AR: variants seen among roughly 807,000 people sequenced by gnomAD.
The protein encoded by AR is androgen receptor.
A neutral mutation model predicts 53.9 loss-of-function variants in AR; 8 were observed. The observed-to-expected ratio is 0.15, with a 90% CI of 0.09 to 0.27. The LOEUF (loss-of-function observed/expected upper bound fraction) is 0.27. AR is among the 10% of genes least tolerant of loss of function. AR has a pLI of 1.00. For synonymous variants in AR, 359 were observed against 316.4 expected (o/e 1.13, Z -1.43); for missense variants, 639 against 742.5 (o/e 0.86, Z 1.62).
intron 2 of AR, among the ~76,000 whole-genome samples, chrX:67,673,395 C>G (rs912519908): frequency 1.0e-5 from 1 of 99,894 alleles, no homozygotes; most frequent in Non-Finnish European, 2.1e-5. Context: ...CTCTCTCCTT[C>G]TTAAGGCCAA....
intron 1 of AR, among the ~76,000 whole-genome samples, chrX:67,564,742 T>C (rs1244465533): frequency 1.8e-5 from 2 of 111,828 alleles, no homozygotes; most frequent in Non-Finnish European, 3.8e-5. Flanking sequence ...ACATGCATTG[T>C]TACCATGGCA....
At chrX:67,651,791 A>G (rs1272067733) in intron 2 of AR, among the ~76,000 whole-genome samples, 1 of 112,032 alleles carries the variant, frequency 8.9e-6, no homozygotes, top group East Asian at 2.8e-4. Flanking sequence ...AACTCTCTTC[A>G]TTAGATGTGC....
chrX:67,663,180 G>T (rs1927040422), intron 2 of AR, among the ~76,000 whole-genome samples: 1 of 111,537 alleles, frequency 9.0e-6, no homozygotes, highest in Non-Finnish European at 1.9e-5. Flanking sequence ...ATGTTAGCTG[G>T]TTATTTTGCT....
intron 2 of AR, among the ~76,000 whole-genome samples, chrX:67,656,248 A>G (rs1926583927): frequency 8.9e-6 from 1 of 111,883 alleles, no homozygotes; most frequent in South Asian, 3.8e-4. Flanking sequence ...GTATGCATCC[A>G]GAGACAAATG....
chrX:67,632,668 A>T (rs1319019237), intron 1 of AR, among the ~76,000 whole-genome samples: 1 of 112,343 alleles, frequency 8.9e-6, no homozygotes, highest in Admixed American at 9.4e-5. Context: ...CTCCAGAAAA[A>T]AAAATTGTTA....
chrX:67,723,621 G>A (rs2076146461), intron 7 of AR, 65 bp from the exon 8 acceptor site: 1 of 1,161,266 alleles, frequency 8.6e-7, no homozygotes, highest in Non-Finnish European at 1.2e-6. Flanking sequence ...AGAGGTTGGG[G>A]AAGAGGCTAG....
At chrX:67,668,562 A>T (rs1273722994) in intron 2 of AR, among the ~76,000 whole-genome samples, 2 of 110,753 alleles carry the variant, frequency 1.8e-5, no homozygotes, top group African/African-American at 6.6e-5. Flanking sequence ...TTATCAGGGT[A>T]ATACTGGCCT....
chrX:67,710,154 C>G (rs1215794074), intron 3 of AR, among the ~76,000 whole-genome samples: 1 of 110,610 alleles, frequency 9.0e-6, no homozygotes, highest in African/African-American at 3.3e-5. Context: ...ATCCAATTCA[C>G]TGTTCTTTCT....
At chrX:67,649,836 C>T (rs1926249201) in intron 2 of AR, among the ~76,000 whole-genome samples, 1 of 112,152 alleles carries the variant, frequency 8.9e-6, no homozygotes. Context: ...TGGTTGTTCA[C>T]TCTGATGATA....
chrX:67,545,451 G>A lies in AR; in HGVS notation c.305G>A (p.Arg102Lys), dbSNP rs2147315566. Residue 102 changes from arginine to lysine, a missense_variant, in exon 1 of 8, where the codon AGA becomes AAA. By Grantham distance (26) the Arg-to-Lys change is conservative (BLOSUM62 2). Transcript: ENST00000374690. ...GATGGTTCTCCCCAAGCCCATCGTA[G>A]AGGCCCCACAGGCTACCTGGTCCTG... ...GEDGSPQAHR[R>K]GPTGYLVLDE... 8.3e-7 allele frequency: 1 copy of A among 1,201,319 alleles called. No homozygotes were observed. Among genetic ancestry groups the A allele is most frequent in the Admixed American group, 2.2e-5 (1 of 44,885 alleles).
chrX:67,715,431 T>C (rs941024214), intron 4 of AR, among the ~76,000 whole-genome samples: 6 of 110,996 alleles, frequency 5.4e-5, no homozygotes, highest in Non-Finnish European at 7.5e-5. Flanking sequence ...GAATCCCTGA[T>C]ACCTGGAAGG....
At chrX:67,560,555 G>C (rs1921255929) in intron 1 of AR, among the ~76,000 whole-genome samples, 1 of 111,613 alleles carries the variant, frequency 9.0e-6, no homozygotes, top group Non-Finnish European at 1.9e-5. Flanking sequence ...TGTAATGCAT[G>C]ATTACAATTT....
At chrX:67,633,670 C>T (rs970584712) in intron 1 of AR, among the ~76,000 whole-genome samples, 1 of 111,661 alleles carries the variant, frequency 9.0e-6, no homozygotes, top group African/African-American at 3.3e-5. Flanking sequence ...TCCAAATGTC[C>T]ACCAACTGAT....
intron 2 of AR, among the ~76,000 whole-genome samples, chrX:67,664,389 C>G (rs761732342): frequency 6.5e-4 from 73 of 111,908 alleles, no homozygotes; most frequent in African/African-American, 2.2e-3. Context: ...CACTCCAGAC[C>G]CTGTTTGCCT....
rs954557242 is a variant in AR, at chrX:67,723,907, A to T, written c.*66A>T. 8.7e-7 allele frequency: 1 copy of T among 1,153,714 alleles called. No individual in the cohort carries two copies. Among genetic ancestry groups the T allele is most frequent in the African/African-American group, 1.8e-5 (1 of 55,727 alleles). ...CTTTCAGATGTCTTCTGCCTGTTAT[A>T]ACTCTGCACTACTCCTCTGCAGTGC... On this transcript the variant is annotated 3_prime_UTR_variant, in exon 8 of 8. Coordinates refer to ENST00000374690, the MANE Select transcript of AR (RefSeq NM_000044.6).
intron 2 of AR, among the ~76,000 whole-genome samples, chrX:67,685,154 G>A (rs776219639): frequency 8.9e-6 from 1 of 111,838 alleles, no homozygotes; most frequent in African/African-American, 3.2e-5. Context: ...GTGACTCTGT[G>A]TGTCTATGCA....
intron 2 of AR, among the ~76,000 whole-genome samples, chrX:67,672,637 C>A (rs183259037): frequency 7.2e-5 from 8 of 111,151 alleles, no homozygotes; most frequent in Admixed American, 2.9e-4. Context: ...AATAAAAACT[C>A]TACATTTTAA....
intron 3 of AR, among the ~76,000 whole-genome samples, chrX:67,707,546 A>G (rs375237995): frequency 4.5e-5 from 5 of 111,393 alleles, no homozygotes; most frequent in East Asian, 2.8e-4. Flanking sequence ...TGCACATGAG[A>G]TGGGTTTCCT....
At chrX:67,649,379 G>T (rs1246062046) in intron 2 of AR, among the ~76,000 whole-genome samples, 1 of 111,677 alleles carries the variant, frequency 9.0e-6, no homozygotes, top group Non-Finnish European at 1.9e-5. Flanking sequence ...TAATCCTTTG[G>T]GTATATACCC....
Sources: allele counts gnomAD v4.1 joint callset (sites outside exome capture counted in the v4.1 genomes callset), GRCh38; gene constraint gnomAD v4.1.1; transcripts MANE v1.5; gene names NCBI Gene and HGNC (gene_info 2026-07-23, HGNC 2026-07-21).